Variants in TNNC2 observed in about 807,000 individuals in gnomAD.
TNNC2 encodes the protein troponin C, skeletal muscle.
Under a neutral mutation model 20.0 loss-of-function variants are expected in TNNC2, and 14 were observed. The observed-to-expected ratio is 0.70, with a 90% confidence interval of 0.46 to 1.09. The LOEUF (loss-of-function observed/expected upper bound fraction) is 1.09, where lower values mean the gene tolerates loss of function less well. Ranked by LOEUF, TNNC2 falls within the 50% of genes least tolerant of loss-of-function variation. The pLI is 0.00. For synonymous variants in TNNC2, 81 were observed against 77.3 expected (o/e 1.05, Z -0.25); for missense variants, 163 against 223.8 (o/e 0.73, Z 1.73).
intron 1 of TNNC2, 90 bp downstream of exon 1, chr20:45,827,156 G>T: frequency 6.4e-7 from 1 of 1,559,694 alleles, no homozygotes; most frequent in Non-Finnish European, 8.8e-7. Context: ...AAACATCCAA[G>T]TTACTGCCCC....
chr20:45,832,944 C>G (rs1485486585), intron 2 of TNNC2, among the ~76,000 whole-genome samples: 1 of 152,206 alleles, frequency 6.6e-6, no homozygotes, highest in Non-Finnish European at 1.5e-5. Flanking sequence ...GAATTCGAGA[C>G]CAGCCTGGGC....
At chr20:45,826,005 AC>A (rs111300154) in intron 1 of TNNC2, among the ~76,000 whole-genome samples, 26 of 144,116 alleles carry the variant, frequency 1.8e-4, no homozygotes, top group African/African-American at 3.7e-4. Context: ...CAAGTCGGGA[AC>A]CCCCCCCACC....
chr20:45,829,160 GTTT>G (rs57079984), upstream of TNNC2, among the ~76,000 whole-genome samples: 5 of 98,274 alleles, frequency 5.1e-5, no homozygotes, highest in Middle Eastern at 6.2e-3. Flanking sequence ...TTTGTTTTTG[GTTT>G]TTTTTTTTTT....
chr20:45,825,325 C>T (rs777267508), intron 1 of TNNC2, among the ~76,000 whole-genome samples: 3 of 150,446 alleles, frequency 2.0e-5, no homozygotes, highest in Non-Finnish European at 4.4e-5. Flanking sequence ...ACAGTCTCGC[C>T]CTGTCGCCCA....
chr20:45,824,965 C>T (rs555622356), intron 1 of TNNC2, 131 bp from the exon 2 acceptor site: 2 of 996,548 alleles, frequency 2.0e-6, no homozygotes, highest in East Asian at 4.8e-5. Context: ...TCAAACTTGT[C>T]ACATAATTGT....
upstream of TNNC2, among the ~76,000 whole-genome samples, chr20:45,829,049 C>T (rs942127257): frequency 2.0e-5 from 3 of 152,042 alleles, no homozygotes; most frequent in Admixed American, 2.0e-4. Flanking sequence ...GGCACAATCT[C>T]GGCTCACTGC....
At chr20:45,825,305 T>C (rs1482493298) in intron 1 of TNNC2, among the ~76,000 whole-genome samples, 1 of 151,694 alleles carries the variant, frequency 6.6e-6, no homozygotes, top group African/African-American at 2.4e-5. Context: ...TTTTGCTTTT[T>C]GTTTTTGTGA....
At chr20:45,831,402 C>T (rs1362576443), upstream of TNNC2, among the ~76,000 whole-genome samples, 2 of 152,158 alleles carry the variant, frequency 1.3e-5, no homozygotes. Flanking sequence ...CATGGTGAAA[C>T]CCCATCTCTA....
chr20:45,823,818 GCA>G lies in TNNC2; in HGVS notation c.451+171_451+172del, dbSNP rs1982874253. On this transcript the variant is annotated intron_variant, in intron 5 of 5. Transcript: ENST00000372555. This position sits in a 1 kb window ranked among gnomAD's most constrained non-coding sequence, Gnocchi z 4.6. The stretch of plus-strand genomic sequence containing the variant: ...CTGCCTGGTCATTAATTGATAAACT[GCA>G]CAGAGTCGTGGAGCGCTTCTATACC... Among the ~76,000 whole-genome samples, 1 of 152,004 alleles carries G rather than the reference GCA, an allele frequency of 6.6e-6. No individual in the cohort carries two copies. Among genetic ancestry groups the G allele is most frequent in the Admixed American group, 6.6e-5 (1 of 15,266 alleles).
chr20:45,827,412 T>C, upstream of TNNC2: 5 of 839,730 alleles, frequency 6.0e-6, no homozygotes, highest in Admixed American at 1.1e-4. Context: ...GATCCTGGGG[T>C]CAGCGAGTCC....
intron 2 of TNNC2, 69 bp from the exon 3 acceptor site, chr20:45,824,707 A>AACCCC: frequency 5.7e-6 from 5 of 870,692 alleles, no homozygotes; most frequent in South Asian, 4.7e-5. Context: ...CCCCCCCCCA[A>AACCCC]CCCCCACCCT....
At chr20:45,824,674 C>A in intron 2 of TNNC2, 36 bp from the exon 3 acceptor site, 5 of 1,605,810 alleles carry the variant, frequency 3.1e-6, no homozygotes, top group Non-Finnish European at 4.2e-6. Flanking sequence ...GTGAGGCCTG[C>A]TGGACTGTCA....
upstream of TNNC2, among the ~76,000 whole-genome samples, chr20:45,832,291 C>T (rs902578140): frequency 7.9e-5 from 12 of 152,134 alleles, no homozygotes; most frequent in Admixed American, 7.2e-4. Flanking sequence ...GCCTGGGCGA[C>T]AGAGCAAGAC....
In TNNC2 at chr20:45,825,353, G is replaced by A. The variant is rs968233275; in HGVS notation, c.4-519C>T. ...GTCGCCCAGGCTGGAGTGCAATGGC[G>A]TGATCTCGGCTCACTGCAACCTCCA... is the stretch of plus-strand genomic sequence containing the variant. On this transcript the variant is annotated intron_variant, in intron 1 of 5. Transcript: ENST00000372555. Among the ~76,000 whole-genome samples the A allele has an allele frequency of 5.3e-5, 8 of 152,078 alleles. 1 individual carries two copies. Among genetic ancestry groups the A allele is most frequent in the African/African-American group, 1.2e-4 (5 of 41,408 alleles).
In TNNC2 at chr20:45,824,386, C is replaced by A; in HGVS notation, c.220G>T (p.Glu74Ter). 1 of 1,610,768 alleles carries A rather than the reference C, an allele frequency of 6.2e-7. No individual in the cohort carries two copies. The highest frequency in any genetic ancestry group is 1.3e-5 in the African/African-American group (1 of 75,056). The change falls in exon 4 of 6, where the codon GAG (glutamate) becomes TAG (stop). Residue 74 changes from glutamate to a stop codon, truncating the protein, a stop_gained. Coordinates refer to ENST00000372555, the MANE Select transcript of TNNC2 (RefSeq NM_003279.3). LOFTEE classifies it high-confidence loss of function. ...CGCACCATCATGACCAAGAACTCCT[C>A]GAAGTCGATGGTGCCGCTGCCTGCG... ...DEDGSGTIDF[E>*]EFLVMMVRQM...
At chr20:45,824,696 A>ACCCC in intron 2 of TNNC2, 58 bp from the exon 3 acceptor site, 1 of 1,385,648 alleles carries the variant, frequency 7.2e-7, no homozygotes, top group Non-Finnish European at 9.7e-7. Flanking sequence ...CCTCACACCT[A>ACCCC]CCCCCCCCCA....
rs1982881684 is a variant in TNNC2, at chr20:45,824,038, A to G, written c.404T>C (p.Leu135Pro). The change falls in exon 5 of 6, where the codon CTG becomes CCG. Residue 135 changes from leucine to proline, a missense_variant. Physicochemically the swap from Leu to Pro is moderately conservative, Grantham distance 98 (BLOSUM62 -3). Transcript: ENST00000372555. Reference protein sequence around the residue: ...EHVTDEEIESLMKDGDKNNDG... With the variant: ...EHVTDEEIESPMKDGDKNNDG... ...GTTGTTCTTGTCGCCGTCTTTCATC[A>G]GAGATTCGATCTCCTCGTCCGTCAC... The G allele has an allele frequency of 6.2e-7, 1 of 1,613,904 alleles. No individual in the cohort carries two copies. Among genetic ancestry groups the G allele is most frequent in the Non-Finnish European group, 8.5e-7 (1 of 1,179,964 alleles).
At chr20:45,824,739 C>T in intron 2 of TNNC2, 44 bp downstream of exon 2, 1 of 1,609,214 alleles carries the variant, frequency 6.2e-7, no homozygotes, top group East Asian at 2.2e-5. Flanking sequence ...AACATGTCCC[C>T]AGCATACATC....
Position 45,824,403 on chromosome 20 carries a change from C to A in TNNC2, c.203G>T (p.Ser68Ile). 1 of 1,610,760 alleles carries A rather than the reference C, an allele frequency of 6.2e-7. No individual in the cohort carries two copies. The highest frequency in any genetic ancestry group is 8.5e-7 in the Non-Finnish European group (1 of 1,180,004). Reference protein sequence around the residue: ...AIIEEVDEDGSGTIDFEEFLV... With the variant: ...AIIEEVDEDGIGTIDFEEFLV... Reference sequence around the variant, plus strand: ...GAACTCCTCGAAGTCGATGGTGCCGCTGCCTGCGGGCAGCAGGTGGCAGAC... The same window carrying A: ...GAACTCCTCGAAGTCGATGGTGCCGATGCCTGCGGGCAGCAGGTGGCAGAC... The change falls in exon 4 of 6, where the codon AGC becomes ATC. Residue 68 changes from serine (S) to isoleucine (I), a missense_variant. Physicochemically the swap from Ser to Ile is moderately radical, Grantham distance 142 (BLOSUM62 -2). Coordinates refer to ENST00000372555, the MANE Select transcript of TNNC2 (RefSeq NM_003279.3).
Sources: gnomAD v4.1 joint callset for allele counts (sites outside exome capture counted in the v4.1 genomes callset) on GRCh38, gnomAD v4.1.1 for gene constraint, Gnocchi (gnomAD v3.1) non-coding constraint, MANE v1.5 for transcripts, NCBI Gene and HGNC (gene_info 2026-07-23, HGNC 2026-07-21) for gene names.